The following BANK1 variants were observed in gnomAD, a reference collection of about 807,000 sequenced individuals.
BANK1 encodes B-cell scaffold protein with ankyrin repeats.
BANK1 carries 95 observed loss-of-function variants against 94.5 expected under a neutral mutation model. That is an observed-to-expected ratio of 1.00 (90% CI 0.85 to 1.19). The LOEUF (loss-of-function observed/expected upper bound fraction) is 1.19. BANK1 is among the 50% of genes most tolerant of loss of function. The pLI, the probability that BANK1 is intolerant of heterozygous loss-of-function variation, is 0.00. For synonymous variants in BANK1, 334 were observed against 308.4 expected, an observed-to-expected ratio of 1.08 and a Z score of -0.87; for missense variants, 987 against 932.2, an observed-to-expected ratio of 1.06 and a Z score of -0.77.
intron 7 of BANK1, among the ~76,000 whole-genome samples, chr4:101,944,969 A>G (rs894499017): frequency 1.3e-5 from 2 of 151,970 alleles, no homozygotes; most frequent in Non-Finnish European, 2.9e-5. Context: ...ATGAATAGCA[A>G]TAGTCAGGTC....
At chr4:101,879,655 C>G (rs954013906) in intron 5 of BANK1, among the ~76,000 whole-genome samples, 1 of 152,002 alleles carries the variant, frequency 6.6e-6, no homozygotes, top group African/African-American at 2.4e-5. Context: ...AACTACAGGC[C>G]AATATCTTTG....
intron 7 of BANK1, among the ~76,000 whole-genome samples, chr4:101,936,051 GACCAC>G (rs1723520848): frequency 6.6e-6 from 1 of 151,168 alleles, no homozygotes; most frequent in South Asian, 2.1e-4. Flanking sequence ...AGCAAAATTG[GACCAC>G]ACCAAGTTAA....
intron 1 of BANK1, among the ~76,000 whole-genome samples, chr4:101,824,112 G>A (rs1006024019): frequency 1.3e-5 from 2 of 152,174 alleles, no homozygotes; most frequent in Admixed American, 1.3e-4. Context: ...TTGCCCCATT[G>A]CAGGTTGGAT....
intron 7 of BANK1, among the ~76,000 whole-genome samples, chr4:101,995,427 G>A (rs1725843491): frequency 6.6e-6 from 1 of 152,156 alleles, no homozygotes; most frequent in East Asian, 1.9e-4. Flanking sequence ...TGTCTTTATA[G>A]TAGAATTATT....
chr4:102,027,797 A>T (rs915987487), intron 9 of BANK1, among the ~76,000 whole-genome samples: 1 of 152,184 alleles, frequency 6.6e-6, no homozygotes, highest in Non-Finnish European at 1.5e-5. Context: ...TTTATAAAGA[A>T]CCCATGGTTT....
chr4:101,916,570 T>C (rs142239555), intron 6 of BANK1, among the ~76,000 whole-genome samples: 9 of 152,164 alleles, frequency 5.9e-5, no homozygotes, highest in African/African-American at 2.2e-4. Flanking sequence ...GCCATCTTTG[T>C]AGAGACTGCC....
chr4:101,933,184 G>A (rs1418732674), intron 7 of BANK1, among the ~76,000 whole-genome samples: 2 of 151,416 alleles, frequency 1.3e-5, no homozygotes, highest in Non-Finnish European at 3.0e-5. Flanking sequence ...AATGGCCCAT[G>A]GTAGGGATAG....
In BANK1 at chr4:101,996,320, G is replaced by A. The variant is rs187471586; in HGVS notation, c.1207-25194G>A. On this transcript the variant is annotated intron_variant, in intron 7 of 16. Coordinates refer to ENST00000322953, the MANE Select transcript of BANK1 (RefSeq NM_017935.5). ...TTGGTACAAGTACCATGCTGTTTTG[G>A]TTCCTGTAGCCTTGTAGTATAGTTT... Among the ~76,000 whole-genome samples, 560 of 152,214 alleles carry A rather than the reference G, an allele frequency of 3.7e-3. 3 individuals carry two copies. Among genetic ancestry groups the A allele is most frequent in the African/African-American group, 0.013 (528 of 41,542 alleles).
At chr4:102,056,583 A>G (rs1728234614) in intron 11 of BANK1, among the ~76,000 whole-genome samples, 1 of 152,132 alleles carries the variant, frequency 6.6e-6, no homozygotes, top group Non-Finnish European at 1.5e-5. Context: ...AAGGACCACC[A>G]AGACGTTTAC....
At chr4:101,894,572 A>G (rs1289239523) in intron 5 of BANK1, among the ~76,000 whole-genome samples, 1 of 152,022 alleles carries the variant, frequency 6.6e-6, no homozygotes, top group Non-Finnish European at 1.5e-5. Context: ...TTTGTTCCAC[A>G]GTTCCCTCTT....
intron 6 of BANK1, among the ~76,000 whole-genome samples, chr4:101,902,175 C>T (rs1185175602): frequency 6.6e-6 from 1 of 152,120 alleles, no homozygotes; most frequent in Admixed American, 6.6e-5. Context: ...TACATTCTTA[C>T]AGAACAAACT....
intron 5 of BANK1, among the ~76,000 whole-genome samples, chr4:101,893,589 A>G (rs1191194180): frequency 6.6e-6 from 1 of 151,956 alleles, no homozygotes; most frequent in Non-Finnish European, 1.5e-5. Context: ...TTTTAGCTTT[A>G]GTATAAAGTG....
chr4:102,045,089 T>C (rs1342651994), intron 11 of BANK1, among the ~76,000 whole-genome samples: 1 of 152,126 alleles, frequency 6.6e-6, no homozygotes. Context: ...TGGTGTTTTA[T>C]ACATGAAGTC....
chr4:101,867,815 A>G (rs898547956), intron 4 of BANK1, among the ~76,000 whole-genome samples: 4 of 151,586 alleles, frequency 2.6e-5, no homozygotes, highest in African/African-American at 7.3e-5. Flanking sequence ...GGCTAAGAAG[A>G]GAGAAAATAG....
intron 7 of BANK1, among the ~76,000 whole-genome samples, chr4:101,946,912 T>C (rs1401368227): frequency 6.6e-6 from 1 of 151,982 alleles, no homozygotes; most frequent in Non-Finnish European, 1.5e-5. Context: ...AAATTAGAAA[T>C]GTAAAGCAAT....
At chr4:101,812,072 A>G (rs1396877989) in intron 1 of BANK1, among the ~76,000 whole-genome samples, 2 of 152,022 alleles carry the variant, frequency 1.3e-5, no homozygotes, top group African/African-American at 2.4e-5. Context: ...TATAATACTT[A>G]TGAATGATTA....
At chr4:102,021,639 A>G in intron 8 of BANK1, 47 bp downstream of exon 8, 12 of 750,932 alleles carry the variant, frequency 1.6e-5, no homozygotes, top group East Asian at 3.4e-5. Context: ...TCATATATAT[A>G]TCACATATAT....
chr4:101,959,539 C>G (rs897596959), intron 7 of BANK1, among the ~76,000 whole-genome samples: 1 of 152,096 alleles, frequency 6.6e-6, no homozygotes, highest in African/African-American at 2.4e-5. Context: ...ATGAAAATGC[C>G]AAGGCAAGGC....
chr4:102,066,296 G>A (rs1339547401), intron 13 of BANK1, among the ~76,000 whole-genome samples: 1 of 146,364 alleles, frequency 6.8e-6, no homozygotes, highest in Non-Finnish European at 1.5e-5. Flanking sequence ...TCGCTCTGTC[G>A]CCCAGGCTGG....
Sources: gnomAD v4.1 joint callset for allele counts (sites outside exome capture counted in the v4.1 genomes callset) on GRCh38, gnomAD v4.1.1 for gene constraint, MANE v1.5 for transcripts, NCBI Gene and HGNC (gene_info 2026-07-23, HGNC 2026-07-21) for gene names.